Variants in HDGFL3 observed in about 807,000 individuals in gnomAD.
HDGFL3 encodes the protein hepatoma-derived growth factor-related protein 3.
In HDGFL3, 6 loss-of-function variants were observed where a neutral mutation model predicts 27.6. That is an observed-to-expected ratio of 0.22 (90% CI 0.12 to 0.43). The LOEUF (loss-of-function observed/expected upper bound fraction) is 0.43, where lower values mean the gene tolerates loss of function less well. HDGFL3 is among the 20% of genes least tolerant of loss of function. HDGFL3 has a pLI of 1.00. For missense variants in HDGFL3, 207 were observed against 250.1 expected, an observed-to-expected ratio of 0.83 and a Z score of 1.16; for synonymous variants, 88 against 88.9, an observed-to-expected ratio of 0.99 and a Z score of 0.05.
intron 1 of HDGFL3, among the ~76,000 whole-genome samples, chr15:83,188,546 T>C (rs1318152726): frequency 6.6e-6 from 1 of 152,198 alleles, no homozygotes; most frequent in Non-Finnish European, 1.5e-5. Context: ...AAAACAACTA[T>C]TAATGTATAA....
At chr15:83,150,734 C>CTCATCATAG (rs2036953288) in intron 5 of HDGFL3, among the ~76,000 whole-genome samples, 1 of 152,124 alleles carries the variant, frequency 6.6e-6, no homozygotes, top group Non-Finnish European at 1.5e-5. Context: ...TCATCATAGA[C>CTCATCATAG]AAATTTGTCC....
rs1448288463 is a variant in HDGFL3 at position 83,132,765 on chromosome 15, G to C, written c.*6505C>G. The C allele has an allele frequency of 6.6e-6, 1 of 152,110 alleles. No individual in the cohort carries two copies. The highest frequency in any genetic ancestry group is 2.1e-4 in the South Asian group (1 of 4,820). 9.4% of individuals were successfully genotyped at this position (152,110 alleles called of 1,614,324 possible). On this transcript the variant is annotated 3_prime_UTR_variant, in exon 6 of 6. Transcript: ENST00000299633. ...AAATCTGAAAGTAACAGTTTAGGAA[G>C]AACACGGATAGTTGGGATACTAATG...
chr15:83,182,678 T>A (rs1291194693), intron 1 of HDGFL3, among the ~76,000 whole-genome samples: 43 of 152,194 alleles, frequency 2.8e-4, no homozygotes. Context: ...TCTGGGGTAA[T>A]GGTAATATTT....
Position 83,136,786 on chromosome 15 carries a change from T to C in HDGFL3, c.*2484A>G, listed in dbSNP as rs1859858624. 1.1e-6 allele frequency: 1 copy of C among 910,740 alleles called. No homozygotes were observed. Among genetic ancestry groups the C allele is most frequent in the Non-Finnish European group, 1.7e-6 (1 of 605,792 alleles). 56.4% of individuals were successfully genotyped at this position (910,740 alleles called of 1,614,324 possible). ...CGTGAGTACTTAAGAATATGTACAT[T>C]CTTGCTCTGCACTGTATGTGTGAGC... On this transcript the variant is annotated 3_prime_UTR_variant, in exon 6 of 6. Coordinates refer to ENST00000299633, the MANE Select transcript of HDGFL3 (RefSeq NM_016073.4).
chr15:83,196,174 T>C (rs1283890223), intron 1 of HDGFL3, among the ~76,000 whole-genome samples: 1 of 151,690 alleles, frequency 6.6e-6, no homozygotes, highest in Non-Finnish European at 1.5e-5. Context: ...AAAAAATATA[T>C]TAGTAAATAT....
At chr15:83,155,990 T>G (rs1409082420) in intron 4 of HDGFL3, among the ~76,000 whole-genome samples, 1 of 152,220 alleles carries the variant, frequency 6.6e-6, no homozygotes, top group African/African-American at 2.4e-5. Context: ...TTTGTAAATC[T>G]AGGATCATGT....
rs1454112106 is a variant in HDGFL3, at chr15:83,136,821, T to C, written c.*2449A>G. ...CACTGTATGTGTGAGCTATATGGTA[T>C]TGTGTAAATTTTTTTTGAAGGAAAA... is the stretch of plus-strand genomic sequence containing the variant. On this transcript the variant is annotated 3_prime_UTR_variant, in exon 6 of 6. Transcript: ENST00000299633. 3.8e-6 allele frequency: 2 copies of C among 527,618 alleles called. No individual in the cohort carries two copies. The highest frequency in any genetic ancestry group is 3.0e-6 in the Non-Finnish European group (1 of 328,502). The allele number at this position is 527,618 out of a possible 1,614,324, so 32.7% of individuals were successfully genotyped here.
intron 1 of HDGFL3, among the ~76,000 whole-genome samples, chr15:83,191,086 C>T (rs746306208): frequency 6.6e-6 from 1 of 152,118 alleles, no homozygotes; most frequent in Non-Finnish European, 1.5e-5. Flanking sequence ...ATCTGTGGGC[C>T]GGTTTCTGTA....
chr15:83,178,055 C>A (rs2037334474), intron 1 of HDGFL3, among the ~76,000 whole-genome samples: 1 of 152,078 alleles, frequency 6.6e-6, no homozygotes, highest in East Asian at 1.9e-4. Flanking sequence ...AAGGACAAAA[C>A]CTGGATGAAT....
chr15:83,113,107 C>T (rs71412295), exon 4 of HDGFL3: 12 of 582,522 alleles, frequency 2.1e-5, no homozygotes, highest in Admixed American at 3.0e-5. Context: ...GGTGGCATCC[C>T]GGTGGAGAGT....
At chr15:83,193,072 AT>A (rs1405907746) in intron 1 of HDGFL3, among the ~76,000 whole-genome samples, 1 of 139,118 alleles carries the variant, frequency 7.2e-6, no homozygotes. Context: ...GTCATGGGAC[AT>A]CTCTTCCAGA....
At chr15:83,179,663 T>C (rs1305298211) in intron 1 of HDGFL3, 1 of 152,268 alleles carries the variant, frequency 6.6e-6, no homozygotes, top group African/African-American at 2.4e-5. Flanking sequence ...ACTTCCTTTA[T>C]AACCTAACTT....
At chr15:83,169,414 CAAAAAAAAAAAA>C (rs58159581) in intron 1 of HDGFL3, among the ~76,000 whole-genome samples, 17 of 35,568 alleles carry the variant, frequency 4.8e-4, no homozygotes, top group Non-Finnish European at 5.9e-4. Context: ...GACTCCGTCT[CAAAAAAAAAAAA>C]AAAAAAAAAA....
chr15:83,118,190 C>T (rs938242314), intron 3 of HDGFL3, among the ~76,000 whole-genome samples: 7 of 151,984 alleles, frequency 4.6e-5, no homozygotes, highest in African/African-American at 1.7e-4. Flanking sequence ...CACCACTGCA[C>T]TCTAGACCGG....
Position 83,207,521 on chromosome 15 carries a change from G to GCTCGTCCGCCC in HDGFL3, c.-108_-107insGGGCGGACGAG. On this transcript the variant is annotated 5_prime_UTR_variant, in exon 1 of 6. Transcript: ENST00000299633. This position sits in a 1 kb window ranked among gnomAD's most constrained non-coding sequence, Gnocchi z 4.8. Reference sequence around the variant, plus strand: ...CCGCGCTCCCCGCGGGCCTCAAGCCGGGCGGACGAGCGGCCGCTCCGACGA... The same window carrying GCTCGTCCGCCC: ...CCGCGCTCCCCGCGGGCCTCAAGCCGCTCGTCCGCCCGGCGGACGAGCGGCCGCTCCGACGA... 1 of 892,302 alleles carries GCTCGTCCGCCC rather than the reference G, an allele frequency of 1.1e-6. No individual in the cohort carries two copies. The highest frequency in any genetic ancestry group is 1.5e-6 in the Non-Finnish European group (1 of 678,520). The allele number at this position is 892,302 out of a possible 1,614,324, so 55.3% of individuals were successfully genotyped here.
chr15:83,175,332 C>T (rs1409671374), intron 1 of HDGFL3, among the ~76,000 whole-genome samples: 1 of 152,102 alleles, frequency 6.6e-6, no homozygotes, highest in Non-Finnish European at 1.5e-5. Flanking sequence ...TTTTATGAGT[C>T]TTGTTTTTAA....
intron 2 of HDGFL3, among the ~76,000 whole-genome samples, chr15:83,159,339 G>C (rs2037069018): frequency 6.6e-6 from 1 of 152,130 alleles, no homozygotes; most frequent in Non-Finnish European, 1.5e-5. Flanking sequence ...CCACAGTTCT[G>C]GCTGACACCC....
At chr15:83,118,197 C>T (rs1442992745) in intron 3 of HDGFL3, among the ~76,000 whole-genome samples, 1 of 150,988 alleles carries the variant, frequency 6.6e-6, no homozygotes, top group Non-Finnish European at 1.5e-5. Flanking sequence ...GCACTCTAGA[C>T]CGGGTGACAG....
At position 83,137,797 on chromosome 15, in the gene HDGFL3, G is replaced by A. The variant is rs1176433431; in HGVS notation, c.*1473C>T. 6.6e-6 allele frequency: 1 copy of A among 151,960 alleles called. No homozygotes were observed. The highest frequency in any genetic ancestry group is 1.5e-5 in the Non-Finnish European group (1 of 67,970). 9.4% of individuals were successfully genotyped at this position (151,960 alleles called of 1,614,324 possible). Reference sequence around the variant, plus strand: ...ATTATTAACGGCCCTAGGCTTTTAGGTCTGCTCACATTTTCTCATGTTTTT... The same window carrying A: ...ATTATTAACGGCCCTAGGCTTTTAGATCTGCTCACATTTTCTCATGTTTTT... On this transcript the variant is annotated 3_prime_UTR_variant, in exon 6 of 6. Coordinates refer to ENST00000299633, the MANE Select transcript of HDGFL3 (RefSeq NM_016073.4).
Sources: allele counts gnomAD v4.1 joint callset (sites outside exome capture counted in the v4.1 genomes callset), GRCh38; gene constraint gnomAD v4.1.1; non-coding constraint Gnocchi (gnomAD v3.1); transcripts MANE v1.5; gene names NCBI Gene and HGNC (gene_info 2026-07-23, HGNC 2026-07-21).